The following RTL4 variants were observed in gnomAD, a reference collection of about 807,000 sequenced individuals.
RTL4 encodes retrotransposon Gag like 4.
RTL4 carries 4 observed loss-of-function variants against 5.3 expected under a neutral mutation model. The observed-to-expected ratio is 0.75, with a 90% CI of 0.37 to 1.72. RTL4 has a LOEUF of 1.72. Among genes scored for constraint, RTL4 ranks in the 40% most tolerant of loss-of-function variants. The pLI, the probability that RTL4 is intolerant of heterozygous loss-of-function variation, is 0.04. For synonymous variants in RTL4, 98 were observed against 87.3 expected (o/e 1.12, Z -0.68); for missense variants, 260 against 227.1 (o/e 1.14, Z -0.93).
chrX:112,278,613 A>T, the RTL4 span, among the ~76,000 whole-genome samples: 2 of 111,639 alleles, frequency 1.8e-5, no homozygotes, highest in Non-Finnish European at 3.8e-5. Flanking sequence ...ACATATGACT[A>T]TACTACCTAT....
At chrX:112,211,135 C>G in the RTL4 span, among the ~76,000 whole-genome samples, 1 of 112,222 alleles carries the variant, frequency 8.9e-6, no homozygotes, top group Non-Finnish European at 1.9e-5. Flanking sequence ...AGAAATAGAA[C>G]TTGGTAAAAT....
chrX:112,199,995 C>T, the RTL4 span, among the ~76,000 whole-genome samples: 6 of 111,771 alleles, frequency 5.4e-5, no homozygotes, highest in East Asian at 5.6e-4. Context: ...TGTTATGTGC[C>T]GGGCACTCTT....
chrX:112,296,860 AC>A, the RTL4 span, among the ~76,000 whole-genome samples: 16 of 102,790 alleles, frequency 1.6e-4, no homozygotes, highest in African/African-American at 5.4e-4. Context: ...CTTGTGATCC[AC>A]CCCCCTCGGC....
the RTL4 span, among the ~76,000 whole-genome samples, chrX:112,144,934 C>A: frequency 9.0e-6 from 1 of 111,695 alleles, no homozygotes; most frequent in Admixed American, 9.5e-5. Context: ...GCTCCTGATG[C>A]TTGATCAGGG....
the RTL4 span, among the ~76,000 whole-genome samples, chrX:112,324,710 G>A: frequency 9.0e-6 from 1 of 111,154 alleles, no homozygotes; most frequent in Admixed American, 9.6e-5. Context: ...CTCGTGATCA[G>A]AAAATATACT....
At chrX:112,341,254 C>G in the RTL4 span, among the ~76,000 whole-genome samples, 2 of 111,220 alleles carry the variant, frequency 1.8e-5, no homozygotes, top group African/African-American at 6.5e-5. Context: ...TCAAAAGACT[C>G]TGGCAATAAA....
the RTL4 span, among the ~76,000 whole-genome samples, chrX:112,303,239 G>A: frequency 9.0e-6 from 1 of 111,533 alleles, no homozygotes; most frequent in Non-Finnish European, 1.9e-5. Context: ...GTAAATGATT[G>A]TATACCAAAC....
the RTL4 span, among the ~76,000 whole-genome samples, chrX:112,437,744 G>T: frequency 2.0e-5 from 2 of 101,436 alleles, no homozygotes; most frequent in Non-Finnish European, 2.0e-5. Context: ...AGATGTAAAA[G>T]AAATACAGTA....
chrX:112,245,825 T>G, the RTL4 span, among the ~76,000 whole-genome samples: 1 of 112,496 alleles, frequency 8.9e-6, no homozygotes. Context: ...TCTCCCCATC[T>G]TTGTGGTTTT....
At chrX:112,437,940 T>A in the RTL4 span, among the ~76,000 whole-genome samples, 1 of 110,041 alleles carries the variant, frequency 9.1e-6, no homozygotes, top group African/African-American at 3.3e-5. Context: ...TAGGTGGGCT[T>A]AGTGTCCATT....
At chrX:112,101,915 G>A in the RTL4 span, among the ~76,000 whole-genome samples, 1 of 110,355 alleles carries the variant, frequency 9.1e-6, no homozygotes, top group African/African-American at 3.3e-5. Flanking sequence ...GAACTGCCTG[G>A]AGCCCCCAAA....
the RTL4 span, among the ~76,000 whole-genome samples, chrX:112,357,094 G>A: frequency 1.8e-5 from 2 of 111,228 alleles, no homozygotes; most frequent in African/African-American, 3.3e-5. Flanking sequence ...TCAGGAGTAC[G>A]GCTCACTGGA....
chrX:112,232,835 C>A, the RTL4 span, among the ~76,000 whole-genome samples: 1 of 110,982 alleles, frequency 9.0e-6, no homozygotes, highest in South Asian at 3.9e-4. Context: ...TTCTTGGAAG[C>A]TTCATTCCCC....
At chrX:112,333,610 T>C in the RTL4 span, among the ~76,000 whole-genome samples, 1 of 111,798 alleles carries the variant, frequency 8.9e-6, no homozygotes, top group African/African-American at 3.2e-5. Flanking sequence ...TCTGAATATG[T>C]GAAATCTGAA....
chrX:112,167,186 T>G, the RTL4 span, among the ~76,000 whole-genome samples: 1 of 112,210 alleles, frequency 8.9e-6, no homozygotes, highest in Admixed American at 9.5e-5. Context: ...TTATGGTCAG[T>G]GACAAAAGGG....
the RTL4 span, among the ~76,000 whole-genome samples, chrX:112,310,369 CATATATATATATATATATATATAT>C: frequency 1.4e-3 from 6 of 4,351 alleles, no homozygotes; most frequent in Admixed American, 6.8e-3. Flanking sequence ...CACCTTTATA[CATATATATATATATATATATATAT>C]ATATATATAT....
At chrX:112,098,786 C>T in the RTL4 span, among the ~76,000 whole-genome samples, 13 of 111,398 alleles carry the variant, frequency 1.2e-4, no homozygotes, top group East Asian at 2.8e-4. Flanking sequence ...AATGGGGAAA[C>T]GATTCCCTAT....
chrX:112,409,656 G>A, the RTL4 span, among the ~76,000 whole-genome samples: 5 of 108,971 alleles, frequency 4.6e-5, no homozygotes, highest in African/African-American at 1.7e-4. Flanking sequence ...GGGAGGTGGA[G>A]GTTGCAGTGA....
chrX:112,167,245 C>T, the RTL4 span, among the ~76,000 whole-genome samples: 4 of 111,554 alleles, frequency 3.6e-5, no homozygotes, highest in Non-Finnish European at 3.8e-5. Flanking sequence ...TACTTGTGGA[C>T]GCTGGTTAGG....
Sources: allele counts gnomAD v4.1 joint callset (sites outside exome capture counted in the v4.1 genomes callset), GRCh38; gene constraint gnomAD v4.1.1; transcripts MANE v1.5; gene names NCBI Gene and HGNC (gene_info 2026-07-23, HGNC 2026-07-21).